Variants in BRINP3 observed in about 807,000 individuals in gnomAD.
The protein encoded by BRINP3 is BMP/retinoic acid inducible neural specific 3.
In BRINP3, 19 loss-of-function variants were observed where a neutral mutation model predicts 71.0. The ratio of observed to expected loss-of-function variants is 0.27; its 90% CI spans 0.19 to 0.39. The LOEUF is 0.39. Among genes scored for constraint, BRINP3 ranks in the 10% least tolerant of loss-of-function variants. The pLI is 1.00. For synonymous variants in BRINP3, 380 were observed against 337.7 expected (o/e 1.13, Z -1.37); for missense variants, 959 against 940.8 (o/e 1.02, Z -0.25).
intron 1 of BRINP3, among the ~76,000 whole-genome samples, chr1:190,476,742 C>T (rs1245340878): frequency 2.0e-5 from 3 of 152,102 alleles, no homozygotes; most frequent in Non-Finnish European, 4.4e-5. Flanking sequence ...TACTCTGTGT[C>T]CAATTAACTG....
chr1:190,458,625 T>C (rs192567067), intron 1 of BRINP3, among the ~76,000 whole-genome samples: 1 of 152,174 alleles, frequency 6.6e-6, no homozygotes, highest in African/African-American at 2.4e-5. Flanking sequence ...TATTAATCCA[T>C]GTGTCAGAGA....
chr1:190,163,192 T>C (rs1007380180), intron 6 of BRINP3, among the ~76,000 whole-genome samples: 1 of 152,084 alleles, frequency 6.6e-6, no homozygotes, highest in South Asian at 2.1e-4. Flanking sequence ...ACAATTTACA[T>C]AACTACAGAA....
intron 5 of BRINP3, among the ~76,000 whole-genome samples, chr1:190,231,363 A>G (rs1657972609): frequency 6.6e-6 from 1 of 151,866 alleles, no homozygotes; most frequent in Non-Finnish European, 1.5e-5. Context: ...ATTAAAAATT[A>G]CATTTAATCA....
intron 2 of BRINP3, among the ~76,000 whole-genome samples, chr1:190,405,391 C>A (rs888084900): frequency 2.4e-5 from 3 of 126,096 alleles, no homozygotes; most frequent in Non-Finnish European, 4.7e-5. Context: ...GCGGAGCTTG[C>A]GGTGAGCTGA....
At chr1:190,407,885 A>G (rs1672390208) in intron 2 of BRINP3, among the ~76,000 whole-genome samples, 2 of 152,094 alleles carry the variant, frequency 1.3e-5, no homozygotes, top group South Asian at 4.1e-4. Context: ...GAATTTCCAA[A>G]CTAATTTGAA....
chr1:190,431,298 A>G (rs1457824391), intron 2 of BRINP3, among the ~76,000 whole-genome samples: 2 of 152,132 alleles, frequency 1.3e-5, no homozygotes, highest in Non-Finnish European at 2.9e-5. Context: ...TTAAAAGAAA[A>G]TATCCAGAAA....
intron 6 of BRINP3, among the ~76,000 whole-genome samples, chr1:190,183,255 T>C (rs1053610974): frequency 4.6e-5 from 7 of 152,228 alleles, no homozygotes; most frequent in African/African-American, 1.7e-4. Flanking sequence ...TCAGTTGAGA[T>C]GTTTTGGTAT....
Position 190,471,937 on chromosome 1 carries a change from A to G in BRINP3, c.-51+5511T>C, listed in dbSNP as rs767284085. On this transcript the variant is annotated intron_variant, in intron 1 of 7. Coordinates refer to ENST00000367462, the MANE Select transcript of BRINP3 (RefSeq NM_199051.3). ...ACACATATTGAAACTGTTATACTTAATCAATATCAAATATTTATTAAATTC... is the reference window on the plus strand; with the variant it reads ...ACACATATTGAAACTGTTATACTTAGTCAATATCAAATATTTATTAAATTC... 4.5e-4 allele frequency among the ~76,000 whole-genome samples: 69 copies of G among 151,654 alleles called. No individual in the cohort carries two copies. The Middle Eastern group carries it at 0.014, about 30-fold the overall frequency.
chr1:190,405,465 A>T (rs1672210467), intron 2 of BRINP3, among the ~76,000 whole-genome samples: 1 of 93,552 alleles, frequency 1.1e-5, no homozygotes, highest in Non-Finnish European at 2.1e-5. Context: ...AAAAAAAAAA[A>T]AAAAAAAAAA....
chr1:190,162,441 G>A (rs944266075), intron 6 of BRINP3, among the ~76,000 whole-genome samples: 3 of 151,936 alleles, frequency 2.0e-5, no homozygotes, highest in Non-Finnish European at 2.9e-5. Context: ...ACTCTGCCTC[G>A]CCTATAATTC....
At chr1:190,450,933 T>C (rs1675564350) in intron 2 of BRINP3, among the ~76,000 whole-genome samples, 1 of 152,164 alleles carries the variant, frequency 6.6e-6, no homozygotes, top group Non-Finnish European at 1.5e-5. Context: ...ATCTTGTCTT[T>C]CCTTAGTCAT....
At chr1:190,177,975 T>G (rs999730167) in intron 6 of BRINP3, among the ~76,000 whole-genome samples, 1 of 152,200 alleles carries the variant, frequency 6.6e-6, no homozygotes, top group Non-Finnish European at 1.5e-5. Flanking sequence ...TTAGGTTGTA[T>G]TAAGTATTAT....
chr1:190,349,887 T>A (rs1235356232), intron 2 of BRINP3, among the ~76,000 whole-genome samples: 1 of 152,118 alleles, frequency 6.6e-6, no homozygotes, highest in Non-Finnish European at 1.5e-5. Context: ...AGTATGATAA[T>A]TATGAAAGCC....
In BRINP3 at chr1:190,454,756, G is replaced by A. The variant is rs770700956; in HGVS notation, c.135C>T (p.Asp45=). The change falls in exon 2 of 8, where the codon GAC becomes GAT. Residue 45 remains aspartate, a synonymous_variant. Coordinates refer to ENST00000367462, the MANE Select transcript of BRINP3 (RefSeq NM_199051.3). ...VSDQHATSPF[D]WLLSDKGPFH... ...AGGGTCCCTTATCAGAGAGGAGCCA[G>A]TCGAAGGGGCTTGTGGCATGCTGAT... is the stretch of plus-strand genomic sequence containing the variant. The A allele has an allele frequency of 5.0e-6, 8 of 1,614,192 alleles. No homozygotes were observed. The South Asian group carries it at 7.7e-5, about 16-fold the overall frequency.
At chr1:190,455,715 TATTC>T (rs1675939300) in intron 1 of BRINP3, among the ~76,000 whole-genome samples, 1 of 152,148 alleles carries the variant, frequency 6.6e-6, no homozygotes, top group Admixed American at 6.5e-5. Flanking sequence ...GCATCTGTCT[TATTC>T]ATAAGAAAGT....
At chr1:190,445,571 ACT>A (rs1162130187) in intron 2 of BRINP3, among the ~76,000 whole-genome samples, 7 of 134,448 alleles carry the variant, frequency 5.2e-5, no homozygotes, top group South Asian at 2.4e-4. Context: ...CATAACACAT[ACT>A]CACACACACA....
At chr1:190,438,904 C>G (rs1674639585) in intron 2 of BRINP3, among the ~76,000 whole-genome samples, 1 of 151,906 alleles carries the variant, frequency 6.6e-6, no homozygotes, top group Admixed American at 6.6e-5. Flanking sequence ...TGTTCTCTTT[C>G]ACAGGATTCA....
intron 7 of BRINP3, among the ~76,000 whole-genome samples, 172 bp downstream of exon 7, chr1:190,160,496 T>A (rs1657255602): frequency 6.6e-6 from 1 of 152,040 alleles, no homozygotes; most frequent in Non-Finnish European, 1.5e-5. Context: ...TACTATTACT[T>A]TGAGAAATAA....
chr1:190,432,367 C>T (rs982558876), intron 2 of BRINP3, among the ~76,000 whole-genome samples: 1 of 152,140 alleles, frequency 6.6e-6, no homozygotes. Context: ...TAACATGCAG[C>T]TGGCAACTTA....
Sources: allele counts gnomAD v4.1 joint callset (sites outside exome capture counted in the v4.1 genomes callset), GRCh38; gene constraint gnomAD v4.1.1; transcripts MANE v1.5; gene names NCBI Gene and HGNC (gene_info 2026-07-23, HGNC 2026-07-21).